Variants in ASH1L observed in about 807,000 individuals in gnomAD.
ASH1L encodes the protein histone-lysine N-methyltransferase ASH1L.
Under a neutral mutation model 269.0 loss-of-function variants are expected in ASH1L, and 23 were observed. The observed-to-expected ratio is 0.09, with a 90% CI of 0.06 to 0.12. The LOEUF is 0.12. ASH1L is among the 10% of genes least tolerant of loss of function. ASH1L has a pLI of 1.00. For missense variants in ASH1L, 2,912 were observed against 3,567.8 expected, an observed-to-expected ratio of 0.82 and a Z score of 4.68; for synonymous variants, 1,187 against 1,253.5, an observed-to-expected ratio of 0.95 and a Z score of 1.12.
intron 17 of ASH1L, among the ~76,000 whole-genome samples, chr1:155,351,882 T>A (rs2148351740): frequency 1.3e-5 from 2 of 151,328 alleles, no homozygotes; most frequent in South Asian, 4.2e-4. Context: ...AATAAATAAA[T>A]AAATAAATTA....
chr1:155,544,461 G>A (rs776541281), intron 1 of ASH1L, among the ~76,000 whole-genome samples: 8 of 151,468 alleles, frequency 5.3e-5, no homozygotes, highest in Non-Finnish European at 1.2e-4. Flanking sequence ...CAATTTTTTT[G>A]TATTTTTAGT....
intron 2 of ASH1L, among the ~76,000 whole-genome samples, chr1:155,501,435 A>G (rs1410393969): frequency 1.3e-5 from 2 of 152,180 alleles, no homozygotes; most frequent in African/African-American, 4.8e-5. Context: ...CAGTAGCACA[A>G]TCTCAGCTCA....
intron 2 of ASH1L, among the ~76,000 whole-genome samples, chr1:155,485,253 C>T (rs1480375661): frequency 3.8e-5 from 1 of 26,060 alleles, no homozygotes; most frequent in Non-Finnish European, 1.1e-4. Flanking sequence ...GAGATTCCGT[C>T]TCAAAAAAAA....
intron 7 of ASH1L, among the ~76,000 whole-genome samples, chr1:155,382,298 A>T (rs1015777275): frequency 1.3e-4 from 20 of 151,692 alleles, no homozygotes; most frequent in Non-Finnish European, 2.8e-4. Flanking sequence ...GGAGATCAAG[A>T]CCATCCTGGC....
chr1:155,522,319 A>G (rs1261398496), intron 1 of ASH1L, among the ~76,000 whole-genome samples: 3 of 152,184 alleles, frequency 2.0e-5, no homozygotes, highest in Non-Finnish European at 4.4e-5. Flanking sequence ...CCAAACATCT[A>G]TCATATGCCA....
chr1:155,560,091 G>C (rs575800478), intron 1 of ASH1L, among the ~76,000 whole-genome samples: 2 of 152,218 alleles, frequency 1.3e-5, no homozygotes, highest in Non-Finnish European at 2.9e-5. Flanking sequence ...AAATACCATA[G>C]ACTCTTTCAT....
At chr1:155,469,087 C>T (rs1428610623) in intron 3 of ASH1L, among the ~76,000 whole-genome samples, 1 of 152,172 alleles carries the variant, frequency 6.6e-6, no homozygotes, top group African/African-American at 2.4e-5. Flanking sequence ...ACAAATGGCT[C>T]TCAGACACAA....
chr1:155,359,380 G>C (rs536825604), intron 13 of ASH1L, among the ~76,000 whole-genome samples: 1 of 151,550 alleles, frequency 6.6e-6, no homozygotes, highest in East Asian at 2.0e-4. Flanking sequence ...GGGTTCAAGC[G>C]ATTCTCCTGC....
intron 3 of ASH1L, among the ~76,000 whole-genome samples, chr1:155,471,312 G>A (rs865979899): frequency 1.3e-5 from 2 of 152,208 alleles, no homozygotes; most frequent in Non-Finnish European, 2.9e-5. Flanking sequence ...TCTCTGTTAC[G>A]ACAGTGAGAT....
intron 5 of ASH1L, among the ~76,000 whole-genome samples, chr1:155,437,542 T>C (rs1662202201): frequency 6.6e-6 from 1 of 152,170 alleles, no homozygotes; most frequent in Non-Finnish European, 1.5e-5. Flanking sequence ...GAAAACAGTA[T>C]GGCAGTTCCT....
At chr1:155,517,828 T>C (rs1011032475) in intron 2 of ASH1L, among the ~76,000 whole-genome samples, 3 of 107,062 alleles carry the variant, frequency 2.8e-5, no homozygotes, top group African/African-American at 1.1e-4. Flanking sequence ...TGAGACGGAG[T>C]CTCGCTCTGT....
chr1:155,492,024 T>A (rs1328362342), intron 2 of ASH1L, among the ~76,000 whole-genome samples: 1 of 147,366 alleles, frequency 6.8e-6, no homozygotes, highest in African/African-American at 2.5e-5. Flanking sequence ...TGGAATATAG[T>A]TTTGTTTACT....
intron 10 of ASH1L, among the ~76,000 whole-genome samples, chr1:155,377,307 T>C (rs1656541627): frequency 6.6e-6 from 1 of 152,280 alleles, no homozygotes; most frequent in East Asian, 1.9e-4. Flanking sequence ...ATGCCGATGG[T>C]TTATCAACAT....
At chr1:155,358,414 T>C (rs539186805) in intron 13 of ASH1L, among the ~76,000 whole-genome samples, 31 of 152,086 alleles carry the variant, frequency 2.0e-4, no homozygotes, top group East Asian at 1.2e-3. Flanking sequence ...AGGCCAGGCA[T>C]GGTGGCTCAT....
At chr1:155,356,101 C>A (rs942495432) in intron 15 of ASH1L, among the ~76,000 whole-genome samples, 1 of 151,802 alleles carries the variant, frequency 6.6e-6, no homozygotes, top group Non-Finnish European at 1.5e-5. Flanking sequence ...CCATGCCTGG[C>A]TAATTTTGTA....
intron 7 of ASH1L, among the ~76,000 whole-genome samples, chr1:155,391,231 C>A (rs1333017950): frequency 6.6e-6 from 1 of 152,142 alleles, no homozygotes; most frequent in Non-Finnish European, 1.5e-5. Flanking sequence ...CAGGTGTGAA[C>A]CATCACACCT....
intron 6 of ASH1L, 21 bp downstream of exon 6, chr1:155,415,723 C>T (rs1376959391): frequency 1.2e-6 from 2 of 1,601,232 alleles, no homozygotes; most frequent in South Asian, 1.1e-5. Context: ...GGGATGTTAG[C>T]TAATAGGTAC....
At chr1:155,372,301 T>A (rs1301282173) in intron 10 of ASH1L, among the ~76,000 whole-genome samples, 3 of 150,926 alleles carry the variant, frequency 2.0e-5, no homozygotes, top group African/African-American at 7.3e-5. Context: ...CAGTTTTTTT[T>A]TTTTTTAATT....
intron 10 of ASH1L, among the ~76,000 whole-genome samples, chr1:155,374,886 G>T (rs1656295196): frequency 6.6e-6 from 1 of 152,110 alleles, no homozygotes; most frequent in Admixed American, 6.6e-5. Flanking sequence ...CGTGATCACA[G>T]CTTACTGTAG....
Sources: gnomAD v4.1 joint callset for allele counts (sites outside exome capture counted in the v4.1 genomes callset) on GRCh38, gnomAD v4.1.1 for gene constraint, MANE v1.5 for transcripts, NCBI Gene and HGNC (gene_info 2026-07-23, HGNC 2026-07-21) for gene names.